Variants in LY96 observed in about 807,000 individuals in gnomAD.
LY96 encodes the protein lymphocyte antigen 96.
Under a neutral mutation model 18.9 loss-of-function variants are expected in LY96, and 18 were observed. The ratio of observed to expected loss-of-function variants is 0.95; its 90% CI spans 0.66 to 1.41. The LOEUF (loss-of-function observed/expected upper bound fraction) is 1.41, where lower values mean the gene tolerates loss of function less well. Ranked by LOEUF, LY96 falls within the 40% of genes most tolerant of loss-of-function variation. The probability of loss-of-function intolerance (pLI) is 0.00; values close to 1 mark genes in which losing one functional copy is unlikely to be tolerated. For missense variants in LY96, 175 were observed against 182.4 expected (o/e 0.96, Z 0.23); for synonymous variants, 66 against 62.6 (o/e 1.06, Z -0.26).
At chr8:74,068,081 A>AGATATATATATATATATATATATAT in the LY96 span, among the ~76,000 whole-genome samples, 1 of 95,362 alleles carries the variant, frequency 1.0e-5, no homozygotes, top group Non-Finnish European at 2.0e-5. Flanking sequence ...AAAAAAAAAA[A>AGATATATATATATATATATATATAT]AAAAAAAAAT....
At chr8:74,045,543 C>A in the LY96 span, among the ~76,000 whole-genome samples, 1 of 152,100 alleles carries the variant, frequency 6.6e-6, no homozygotes, top group Non-Finnish European at 1.5e-5. Context: ...AGTCAGAGTC[C>A]TTGAAGAAAA....
At chr8:74,093,099 C>G in the LY96 span, among the ~76,000 whole-genome samples, 52 of 152,198 alleles carry the variant, frequency 3.4e-4, 1 homozygote, top group Non-Finnish European at 2.9e-5. Flanking sequence ...TCTGGATTTT[C>G]AGTTCCCAAA....
the LY96 span, among the ~76,000 whole-genome samples, chr8:74,045,753 A>G: frequency 6.6e-6 from 1 of 152,034 alleles, no homozygotes. Flanking sequence ...ACGGAAGCAA[A>G]AAGCGAAGAC....
the LY96 span, among the ~76,000 whole-genome samples, chr8:74,092,840 C>T: frequency 6.6e-6 from 1 of 152,152 alleles, no homozygotes; most frequent in African/African-American, 2.4e-5. Context: ...TAGTTCTTGC[C>T]GCCTCCTCTC....
At chr8:74,029,084 A>G (rs781480349), downstream of LY96, 1 of 1,356,280 alleles carries the variant, frequency 7.4e-7, no homozygotes, top group Non-Finnish European at 1.0e-6. Flanking sequence ...AAAAAATTTA[A>G]AGGTATTGTT....
chr8:74,072,796 G>A, the LY96 span, among the ~76,000 whole-genome samples: 1 of 152,198 alleles, frequency 6.6e-6, no homozygotes, highest in Non-Finnish European at 1.5e-5. Flanking sequence ...AAAGCTGGGA[G>A]GGGAGGAGCC....
chr8:74,064,933 TA>T, the LY96 span, among the ~76,000 whole-genome samples: 2 of 152,136 alleles, frequency 1.3e-5, no homozygotes, highest in African/African-American at 4.8e-5. Flanking sequence ...AAGAACTCAT[TA>T]GGGGTAGAGG....
chr8:74,039,484 G>A, the LY96 span, among the ~76,000 whole-genome samples: 1 of 152,054 alleles, frequency 6.6e-6, no homozygotes, highest in South Asian at 2.1e-4. Flanking sequence ...AAAACAGCTG[G>A]GCCCGGGGGA....
At chr8:74,090,456 A>G in the LY96 span, among the ~76,000 whole-genome samples, 1 of 152,248 alleles carries the variant, frequency 6.6e-6, no homozygotes, top group Non-Finnish European at 1.5e-5. Context: ...ATAAGAAATA[A>G]CATTAAAAGA....
the LY96 span, among the ~76,000 whole-genome samples, chr8:74,054,617 C>CTTCTTTTTTTCTTTTTTTT: frequency 1.4e-5 from 1 of 70,098 alleles, no homozygotes; most frequent in Admixed American, 1.9e-4. Context: ...TTTCCTTTTC[C>CTTCTTTTTTTCTTTTTTTT]TTCTTTCTTT....
intron 1 of LY96, among the ~76,000 whole-genome samples, chr8:73,996,415 T>TTCTTTCTTTCTA (rs2131252866): frequency 1.8e-5 from 1 of 54,680 alleles, no homozygotes; most frequent in South Asian, 7.1e-4. Context: ...CTTTCTTTCT[T>TTCTTTCTTTCTA]TCTTTCTTTC....
At chr8:74,093,446 A>G in the LY96 span, among the ~76,000 whole-genome samples, 1 of 152,258 alleles carries the variant, frequency 6.6e-6, no homozygotes, top group African/African-American at 2.4e-5. Flanking sequence ...GCGATGGGGG[A>G]AATTTTCTGA....
intron 3 of LY96, among the ~76,000 whole-genome samples, chr8:74,012,968 A>T (rs959049700): frequency 8.6e-5 from 13 of 151,206 alleles, no homozygotes; most frequent in African/African-American, 3.2e-4. Context: ...TTTTTTTTTG[A>T]GACAAGATCT....
intron 3 of LY96, among the ~76,000 whole-genome samples, chr8:74,025,508 C>T (rs921180875): frequency 8.0e-5 from 12 of 150,736 alleles, no homozygotes; most frequent in African/African-American, 2.2e-4. Context: ...TACAAAAATT[C>T]GCCAGGCGTA....
chr8:74,066,971 G>C, the LY96 span, among the ~76,000 whole-genome samples: 1 of 152,220 alleles, frequency 6.6e-6, no homozygotes, highest in Non-Finnish European at 1.5e-5. Context: ...GGCTACAGGG[G>C]CTCATCCTAG....
chr8:74,079,254 A>G, the LY96 span, among the ~76,000 whole-genome samples: 60 of 152,356 alleles, frequency 3.9e-4, no homozygotes, highest in African/African-American at 1.4e-3. Context: ...GAATTACTCC[A>G]TCAGCTTTCC....
At chr8:74,031,647 A>G (rs1013045693), downstream of LY96, among the ~76,000 whole-genome samples, 2 of 152,124 alleles carry the variant, frequency 1.3e-5, no homozygotes, top group Admixed American at 1.3e-4. Context: ...AAAAAAAAAA[A>G]AAGTAATTTT....
At chr8:74,052,693 T>G in the LY96 span, 1 of 152,116 alleles carries the variant, frequency 6.6e-6, no homozygotes, top group East Asian at 1.9e-4. Flanking sequence ...ACCTAGGAAG[T>G]AAGGTATATG....
chr8:74,077,680 G>A, the LY96 span, among the ~76,000 whole-genome samples: 6 of 151,640 alleles, frequency 4.0e-5, no homozygotes, highest in East Asian at 1.9e-4. Flanking sequence ...AGAAAAATAC[G>A]TGAAATAAAT....
Sources: allele counts gnomAD v4.1 joint callset (sites outside exome capture counted in the v4.1 genomes callset), GRCh38; gene constraint gnomAD v4.1.1; transcripts MANE v1.5; gene names NCBI Gene and HGNC (gene_info 2026-07-23, HGNC 2026-07-21).